UST: variants seen among roughly 807,000 people sequenced by gnomAD.
UST encodes uronyl 2-sulfotransferase, also known as chondroitin sulfate 2-O-sulfotransferase.
In UST, 21 loss-of-function variants were observed where a neutral mutation model predicts 45.6. That is an observed-to-expected ratio of 0.46 (90% confidence interval 0.33 to 0.66). The LOEUF (loss-of-function observed/expected upper bound fraction) is 0.66. UST is among the 30% of genes least tolerant of loss of function. The probability of loss-of-function intolerance (pLI) is 0.02; values close to 1 mark genes in which losing one functional copy is unlikely to be tolerated. For synonymous variants in UST, 215 were observed against 200.6 expected (o/e 1.07, Z -0.61); for missense variants, 463 against 512.4 (o/e 0.90, Z 0.93).
At chr6:149,068,301 C>T (rs1016763540) in intron 7 of UST, among the ~76,000 whole-genome samples, 1 of 152,180 alleles carries the variant, frequency 6.6e-6, no homozygotes, top group Admixed American at 6.5e-5. Context: ...GAGGAGCCTC[C>T]TACCTCTGCC....
chr6:148,817,439 G>A (rs1035960272), intron 1 of UST, among the ~76,000 whole-genome samples: 8 of 152,192 alleles, frequency 5.3e-5, no homozygotes, highest in African/African-American at 1.2e-4. Context: ...CTGAGAACAC[G>A]TGCCCAAGGT....
intron 1 of UST, among the ~76,000 whole-genome samples, chr6:148,858,935 T>C (rs75346556): frequency 0.029 from 4,417 of 152,324 alleles, 90 homozygotes; most frequent in Middle Eastern, 0.078. Flanking sequence ...TCTTTGCTGT[T>C]GTGAATAGTG....
Position 149,030,601 on chromosome 6 carries a change from A to G in UST, c.937+9120A>G, listed in dbSNP as rs577160005. On this transcript the variant is annotated intron_variant, in intron 7 of 7. Transcript: ENST00000367463. ...GTTTTTAAAAACTCAATTATCATTG[A>G]TGAAAACAGGACTTCAATTTGCTAT... Among the ~76,000 whole-genome samples the G allele has an allele frequency of 1.8e-3, 271 of 152,290 alleles. 1 individual carries two copies. Among genetic ancestry groups the G allele is most frequent in the Non-Finnish European group, 2.9e-3 (195 of 68,022 alleles).
At chr6:148,832,020 A>G (rs1255977991) in intron 1 of UST, among the ~76,000 whole-genome samples, 1 of 152,012 alleles carries the variant, frequency 6.6e-6, no homozygotes, top group African/African-American at 2.4e-5. Context: ...ATTTGAGACA[A>G]TCTCTCTCTA....
At chr6:148,998,903 C>T (rs953738779) in intron 5 of UST, among the ~76,000 whole-genome samples, 1 of 152,222 alleles carries the variant, frequency 6.6e-6, no homozygotes, top group Admixed American at 6.5e-5. Flanking sequence ...GCAGCACTTG[C>T]AGCACTCACA....
intron 5 of UST, among the ~76,000 whole-genome samples, chr6:149,000,231 A>G (rs187769525): frequency 6.6e-6 from 1 of 152,368 alleles, no homozygotes; most frequent in Admixed American, 6.5e-5. Flanking sequence ...CTATGCCCTT[A>G]TAAGAGGCTA....
intron 2 of UST, among the ~76,000 whole-genome samples, chr6:148,906,554 T>G (rs1001654516): frequency 6.6e-6 from 1 of 152,238 alleles, no homozygotes; most frequent in Non-Finnish European, 1.5e-5. Flanking sequence ...AGAGATGTTA[T>G]TAGCTTGACT....
chr6:148,839,513 T>C (rs1310705674), intron 1 of UST, among the ~76,000 whole-genome samples: 1 of 152,184 alleles, frequency 6.6e-6, no homozygotes, highest in Non-Finnish European at 1.5e-5. Flanking sequence ...TCTGTTGTAA[T>C]TTCATCTTTT....
At chr6:148,926,551 T>C (rs1283083161) in intron 2 of UST, among the ~76,000 whole-genome samples, 1 of 152,218 alleles carries the variant, frequency 6.6e-6, no homozygotes, top group African/African-American at 2.4e-5. Context: ...CCCTCATGCT[T>C]CTTGCCTCAT....
At chr6:148,768,343 T>C (rs780822092) in intron 1 of UST, among the ~76,000 whole-genome samples, 1 of 152,188 alleles carries the variant, frequency 6.6e-6, no homozygotes, top group Admixed American at 6.5e-5. Context: ...CTCTTTCTCT[T>C]ATCAATTCTA....
chr6:148,782,487 G>A (rs756200495), intron 1 of UST, among the ~76,000 whole-genome samples: 4 of 151,906 alleles, frequency 2.6e-5, no homozygotes, highest in Non-Finnish European at 5.9e-5. Flanking sequence ...GTCTCGCTCT[G>A]TCACCCAGGC....
chr6:148,788,008 G>A (rs964543765), intron 1 of UST, among the ~76,000 whole-genome samples: 6 of 152,264 alleles, frequency 3.9e-5, no homozygotes, highest in Admixed American at 1.3e-4. Context: ...TGATAAAGAT[G>A]TACCCGAGAC....
intron 2 of UST, among the ~76,000 whole-genome samples, chr6:148,899,049 A>G (rs901713547): frequency 6.7e-6 from 1 of 150,156 alleles, no homozygotes; most frequent in East Asian, 1.9e-4. Context: ...GTAGTAACTT[A>G]ATCATCTTAG....
intron 1 of UST, among the ~76,000 whole-genome samples, chr6:148,848,301 T>G (rs1412054329): frequency 3.9e-5 from 6 of 152,176 alleles, no homozygotes; most frequent in Non-Finnish European, 8.8e-5. Flanking sequence ...TTCTACCCAT[T>G]CTTGGTTGTT....
At chr6:149,061,982 A>G (rs964188509) in intron 7 of UST, among the ~76,000 whole-genome samples, 1 of 152,246 alleles carries the variant, frequency 6.6e-6, no homozygotes, top group Non-Finnish European at 1.5e-5. Context: ...GGTCACACAA[A>G]TAAATGTCTT....
intron 7 of UST, among the ~76,000 whole-genome samples, chr6:149,031,488 G>A (rs1776140709): frequency 1.3e-5 from 2 of 152,162 alleles, no homozygotes; most frequent in South Asian, 4.1e-4. Flanking sequence ...ATGTGCGTTT[G>A]GCCTATTTCA....
chr6:148,843,593 A>G (rs1777927371), intron 1 of UST, among the ~76,000 whole-genome samples: 1 of 152,212 alleles, frequency 6.6e-6, no homozygotes, highest in Admixed American at 6.5e-5. Flanking sequence ...TTTGCAGGTA[A>G]GAAAATTGAG....
intron 7 of UST, among the ~76,000 whole-genome samples, chr6:149,062,992 C>T (rs1321430358): frequency 6.6e-6 from 1 of 152,238 alleles, no homozygotes; most frequent in African/African-American, 2.4e-5. Flanking sequence ...AAGCAGCCCC[C>T]TCCTGGCCTC....
intron 3 of UST, among the ~76,000 whole-genome samples, chr6:148,945,165 A>G (rs1227047235): frequency 6.6e-6 from 1 of 152,196 alleles, no homozygotes; most frequent in Non-Finnish European, 1.5e-5. Context: ...TACAACCTGC[A>G]TTGTTTTTCT....
Sources: allele counts gnomAD v4.1 joint callset (sites outside exome capture counted in the v4.1 genomes callset), GRCh38; gene constraint gnomAD v4.1.1; transcripts MANE v1.5; gene names NCBI Gene and HGNC (gene_info 2026-07-23, HGNC 2026-07-21).